The following UEVLD variants were observed in gnomAD, a reference collection of about 807,000 sequenced individuals.
The protein encoded by UEVLD is ubiquitin-conjugating enzyme E2 variant 3.
UEVLD carries 47 observed loss-of-function variants against 58.6 expected under a neutral mutation model. The ratio of observed to expected loss-of-function variants is 0.80; its 90% CI spans 0.63 to 1.02. UEVLD has a LOEUF of 1.02. UEVLD is among the 50% of genes least tolerant of loss of function. The probability of loss-of-function intolerance (pLI) is 0.00; values close to 1 mark genes in which losing one functional copy is unlikely to be tolerated. For synonymous variants in UEVLD, 197 were observed against 195.3 expected (o/e 1.01, Z -0.07); for missense variants, 510 against 550.6 (o/e 0.93, Z 0.74).
intron 1 of UEVLD, among the ~76,000 whole-genome samples, chr11:18,582,276 C>CT (rs944147807): frequency 2.6e-5 from 4 of 152,084 alleles, no homozygotes; most frequent in African/African-American, 9.7e-5. Flanking sequence ...CTTCTCGGGA[C>CT]TTAAAAACCC....
In UEVLD at chr11:18,536,417, C is replaced by T. The variant is rs142760850; in HGVS notation, c.1113G>A (p.Gln371=). The T allele has an allele frequency of 3.1e-6, 5 of 1,613,722 alleles. No homozygotes were observed. The African/African-American group carries it at 5.3e-5, about 17-fold the overall frequency. Residue 371 remains glutamine (Q), a synonymous_variant, in exon 10 of 12, where the codon CAG becomes CAA. Coordinates refer to ENST00000396197, the MANE Select transcript of UEVLD (RefSeq NM_001040697.4). ...EEVVSHTSQV[Q]LSNRAMELLR... is the part of the protein sequence containing the mutation. ...CCAGTCAGTGTTACCTGTTGGACAGCTGCACTTGAGAGGTATGACTCACTA... is the reference window on the plus strand; with the variant it reads ...CCAGTCAGTGTTACCTGTTGGACAGTTGCACTTGAGAGGTATGACTCACTA...
Position 18,544,749 on chromosome 11 carries a change from T to C in UEVLD, c.934A>G (p.Asn312Asp), listed in dbSNP as rs1851218315. ...TTACATCCAATTCCGATCACTCGATTTGCAGGAAATGTACTCAGTTTCCAT... is the reference window on the plus strand; with the variant it reads ...TTACATCCAATTCCGATCACTCGATCTGCAGGAAATGTACTCAGTTTCCAT... ...VTWKLSTFPA[N>D]RVIGIGCNLD... The change falls in exon 9 of 12, where the codon AAT becomes GAT. Residue 312 changes from asparagine (N) to aspartate (D), a missense_variant. By Grantham distance (23) the Asn-to-Asp change is conservative. Coordinates refer to ENST00000396197, the MANE Select transcript of UEVLD (RefSeq NM_001040697.4). 6.4e-7 allele frequency: 1 copy of C among 1,570,444 alleles called. No individual in the cohort carries two copies. Among genetic ancestry groups the C allele is most frequent in the Non-Finnish European group, 8.6e-7 (1 of 1,165,190 alleles).
chr11:18,533,983 G>A (rs1331004962), intron 11 of UEVLD, among the ~76,000 whole-genome samples: 3 of 152,188 alleles, frequency 2.0e-5, no homozygotes, highest in African/African-American at 7.2e-5. Flanking sequence ...GGGATTCGCT[G>A]TGTTGTCCAT....
chr11:18,556,136 G>A (rs942149561), intron 7 of UEVLD, among the ~76,000 whole-genome samples: 7 of 152,136 alleles, frequency 4.6e-5, no homozygotes, highest in African/African-American at 1.7e-4. Context: ...ACCTATTGAT[G>A]GTTGATGAGA....
At chr11:18,552,689 C>G (rs945131718) in intron 7 of UEVLD, among the ~76,000 whole-genome samples, 3 of 151,706 alleles carry the variant, frequency 2.0e-5, no homozygotes, top group African/African-American at 4.8e-5. Context: ...TGGTGAAACC[C>G]TGTCTCTACT....
At position 18,544,617 on chromosome 11, in the gene UEVLD, T is replaced by A. The variant is rs1315207788; in HGVS notation, c.1060+6A>T. The A allele has an allele frequency of 6.3e-7, 1 of 1,585,858 alleles. No individual in the cohort carries two copies. The highest frequency in any genetic ancestry group is 8.5e-7 in the Non-Finnish European group (1 of 1,170,186). ...ACCACACCCAGCCTAAAAACGTACT[T>A]CTTACCTTTGTCTTCTCCTTGCTCG... On this transcript the variant is annotated splice_donor_region_variant and intron_variant, in intron 9 of 11. Coordinates refer to ENST00000396197, the MANE Select transcript of UEVLD (RefSeq NM_001040697.4).
At chr11:18,566,621 G>T in intron 4 of UEVLD, 139 bp from the exon 5 acceptor site, 1 of 838,470 alleles carries the variant, frequency 1.2e-6, no homozygotes, top group Non-Finnish European at 1.8e-6. Flanking sequence ...CTCCAGCTTG[G>T]GCAACAGAAT....
At chr11:18,569,441 T>A (rs1490526428) in intron 4 of UEVLD, among the ~76,000 whole-genome samples, 3 of 152,102 alleles carry the variant, frequency 2.0e-5, no homozygotes, top group African/African-American at 7.2e-5. Flanking sequence ...TATAAGAAAA[T>A]CTTGAAAATA....
chr11:18,558,371 G>A, intron 6 of UEVLD, 41 bp from the exon 7 acceptor site: 2 of 1,351,778 alleles, frequency 1.5e-6, no homozygotes, highest in Non-Finnish European at 2.1e-6. Context: ...AACATGGCCA[G>A]TGACTCAATT....
chr11:18,541,766 A>G (rs188594156), intron 9 of UEVLD, among the ~76,000 whole-genome samples: 34 of 152,350 alleles, frequency 2.2e-4, no homozygotes, highest in South Asian at 6.2e-4. Context: ...AAAGATGTCA[A>G]TAAGATGGCC....
At chr11:18,558,019 T>C (rs1252984087) in intron 7 of UEVLD, among the ~76,000 whole-genome samples, 1 of 152,220 alleles carries the variant, frequency 6.6e-6, no homozygotes, top group Non-Finnish European at 1.5e-5. Context: ...CTGAATTATT[T>C]GCTCATTTGA....
chr11:18,532,549 A>G (rs1850612808), intron 11 of UEVLD, 62 bp from the exon 12 acceptor site: 2 of 1,343,820 alleles, frequency 1.5e-6, no homozygotes, highest in Non-Finnish European at 1.0e-6. Context: ...TAATACAAAA[A>G]TGCATACTTT....
rs567466176 is a variant in UEVLD, at chr11:18,536,154, C to A, written c.1124+252G>T. Among the ~76,000 whole-genome samples the A allele has an allele frequency of 1.8e-4, 28 of 152,276 alleles. No individual in the cohort carries two copies. The South Asian group carries it at 5.4e-3, about 29-fold the overall frequency. ...ATGTTTAGGTAGAGAAGCAGTAAAT[C>A]ACTGTCTACAAATAACATGTTTTAC... is the stretch of plus-strand genomic sequence containing the variant. On this transcript the variant is annotated intron_variant, in intron 10 of 11. Transcript: ENST00000396197.
At chr11:18,557,835 T>C (rs1381418788) in intron 7 of UEVLD, among the ~76,000 whole-genome samples, 1 of 152,238 alleles carries the variant, frequency 6.6e-6, no homozygotes, top group Non-Finnish European at 1.5e-5. Flanking sequence ...TTATATAATC[T>C]GACAAATGTC....
chr11:18,547,515 C>T (rs1042522285), intron 7 of UEVLD, among the ~76,000 whole-genome samples: 2 of 152,032 alleles, frequency 1.3e-5, no homozygotes, highest in Admixed American at 1.3e-4. Context: ...CAGAGTGAGA[C>T]TCTGTCTCAA....
chr11:18,542,942 G>A (rs2133969785), intron 9 of UEVLD, among the ~76,000 whole-genome samples: 1 of 136,888 alleles, frequency 7.3e-6, no homozygotes, highest in Middle Eastern at 4.2e-3. Context: ...GCCCAGACTG[G>A]AGTGCAGTGG....
At chr11:18,560,118 CACACACACACACACACACACAG>C (rs200026276) in intron 6 of UEVLD, among the ~76,000 whole-genome samples, 24,605 of 137,054 alleles carry the variant, frequency 0.18, 2,486 homozygotes, top group East Asian at 0.28. Context: ...CACACACACA[CACACACACACACACACACACAG>C]AGAGAGAAAG....
At chr11:18,588,573 G>C in intron 1 of UEVLD, 40 bp downstream of exon 1, 1 of 1,603,732 alleles carries the variant, frequency 6.2e-7, no homozygotes, top group Non-Finnish European at 8.5e-7. Flanking sequence ...CCCCCCGCAA[G>C]ACCCTGAGGA....
intron 7 of UEVLD, among the ~76,000 whole-genome samples, chr11:18,549,221 C>T (rs1851425910): frequency 6.6e-6 from 1 of 152,192 alleles, no homozygotes; most frequent in African/African-American, 2.4e-5. Flanking sequence ...CCTACACCCT[C>T]ATAAGGATGA....
Sources: allele counts gnomAD v4.1 joint callset (sites outside exome capture counted in the v4.1 genomes callset), GRCh38; gene constraint gnomAD v4.1.1; transcripts MANE v1.5; gene names NCBI Gene and HGNC (gene_info 2026-07-23, HGNC 2026-07-21).